NEIL2: variants seen among roughly 807,000 people sequenced by gnomAD.
NEIL2 encodes the protein endonuclease 8-like 2.
In NEIL2, 23 loss-of-function variants were observed where a neutral mutation model predicts 22.2. That is an observed-to-expected ratio of 1.04 (90% CI 0.75 to 1.47). NEIL2 has a LOEUF of 1.47. Among genes scored for constraint, NEIL2 ranks in the 40% most tolerant of loss-of-function variants. NEIL2 has a pLI of 0.00. For synonymous variants in NEIL2, 229 were observed against 164.8 expected, an observed-to-expected ratio of 1.39 and a Z score of -2.99; for missense variants, 583 against 404.7, an observed-to-expected ratio of 1.44 and a Z score of -3.78.
intron 2 of NEIL2, among the ~76,000 whole-genome samples, chr8:11,778,767 C>T (rs939367315): frequency 6.6e-6 from 1 of 151,918 alleles, no homozygotes; most frequent in Non-Finnish European, 1.5e-5. Context: ...GCCTTGCTAA[C>T]GTGGTGAGAC....
intron 4 of NEIL2, among the ~76,000 whole-genome samples, chr8:11,785,058 A>G (rs551874542): frequency 6.6e-6 from 1 of 152,276 alleles, no homozygotes; most frequent in Admixed American, 6.5e-5. Flanking sequence ...TTGTAGAGAC[A>G]AGAAGCTCTC....
chr8:11,783,767 C>T (rs1330502363), intron 4 of NEIL2, among the ~76,000 whole-genome samples: 1 of 152,220 alleles, frequency 6.6e-6, no homozygotes, highest in Non-Finnish European at 1.5e-5. Flanking sequence ...TCTGTAGGAA[C>T]TGAAGTCGTG....
chr8:11,781,441 C>A (rs1302845837), intron 3 of NEIL2, among the ~76,000 whole-genome samples: 1 of 152,176 alleles, frequency 6.6e-6, no homozygotes, highest in African/African-American at 2.4e-5. Context: ...AGAAGAAGAG[C>A]AGATCATTTT....
chr8:11,779,170 G>A (rs1386943508), intron 2 of NEIL2, among the ~76,000 whole-genome samples: 1 of 152,050 alleles, frequency 6.6e-6, no homozygotes, highest in Admixed American at 6.6e-5. Flanking sequence ...GGTAGCGAGG[G>A]GTACCCAGTT....
Position 11,786,226 on chromosome 8 carries a change from T to A in NEIL2, c.952T>A (p.Cys318Ser). 1.9e-6 allele frequency: 3 copies of A among 1,613,120 alleles called. No individual in the cohort carries two copies. Among genetic ancestry groups the A allele is most frequent in the Non-Finnish European group, 2.5e-6 (3 of 1,179,998 alleles). ...LQRLTWWCPQCQPQLSEEPEQ... is the reference protein window; with the variant it reads ...LQRLTWWCPQSQPQLSEEPEQ... ...GAGGCTCACCTGGTGGTGCCCGCAG[T>A]GCCAGCCCCAGTTGTCAGAGGAGCC... Residue 318 changes from cysteine to serine, a missense_variant, in exon 5 of 5, where the codon TGC (cysteine) becomes AGC (serine). Transcript: ENST00000284503.
At position 11,771,681 on chromosome 8, in the gene NEIL2, G is replaced by C. The variant is rs963009591; in HGVS notation, c.138+96G>C. 4.4e-6 allele frequency: 6 copies of C among 1,354,874 alleles called. 1 individual carries two copies. Among genetic ancestry groups the C allele is most frequent in the South Asian group, 2.8e-5 (2 of 72,362 alleles). 83.9% of individuals were successfully genotyped at this position (1,354,874 alleles called of 1,614,324 possible). A position where few individuals can be genotyped will look rare whatever the true frequency, so the allele number is the denominator to read the frequency against. On this transcript the variant is annotated intron_variant, in intron 2 of 4. Coordinates refer to ENST00000284503, the MANE Select transcript of NEIL2 (RefSeq NM_145043.4). ...ATGTCTCAGGGTGTCACTTCCCTGA[G>C]TCCGGAACCACCAAGCTCGGACTCC...
Position 11,770,513 on chromosome 8 carries a change from C to T in NEIL2, c.-3+178C>T, listed in dbSNP as rs112912601. Among the ~76,000 whole-genome samples, 1,074 of 152,256 alleles carry T rather than the reference C, an allele frequency of 7.1e-3. 8 individuals carry two copies. Among genetic ancestry groups the T allele is most frequent in the Middle Eastern group, 0.02 (6 of 294 alleles). On this transcript the variant is annotated intron_variant, in intron 1 of 4. Coordinates refer to ENST00000284503, the MANE Select transcript of NEIL2 (RefSeq NM_145043.4). ...AATATGAGAATGCCGAGATTGTGAG[C>T]CGTCACCATTTCTTAGATTTTAAAA...
At chr8:11,780,461 A>G (rs1585769599) in intron 3 of NEIL2, among the ~76,000 whole-genome samples, 1 of 151,974 alleles carries the variant, frequency 6.6e-6, no homozygotes. Flanking sequence ...CCTCACTGCA[A>G]CCTCTGCCTC....
At chr8:11,783,546 T>G (rs1466162405) in intron 4 of NEIL2, 147 bp downstream of exon 4, 2 of 718,078 alleles carry the variant, frequency 2.8e-6, no homozygotes, top group Admixed American at 2.0e-5. Flanking sequence ...TTCTTTTACT[T>G]CCCTTGTTTT....
chr8:11,785,967 C>A lies in NEIL2; in HGVS notation c.693C>A (p.Asn231Lys). The A allele has an allele frequency of 1.2e-6, 2 of 1,613,954 alleles. No individual in the cohort carries two copies. The highest frequency in any genetic ancestry group is 2.2e-5 in the South Asian group (2 of 91,070). Residue 231 changes from asparagine to lysine, a missense_variant, in exon 5 of 5, where the codon AAC becomes AAA. Transcript: ENST00000284503. ...CCTTCCCCCGCTTTATTTCAGGGAA[C>A]ATCATTAAGAATGAAGCCTTGTACA... ...LDQRYFSGLG[N>K]IIKNEALYRA...
intron 3 of NEIL2, among the ~76,000 whole-genome samples, chr8:11,781,002 G>A (rs1804372002): frequency 6.6e-6 from 1 of 152,054 alleles, no homozygotes; most frequent in South Asian, 2.1e-4. Flanking sequence ...ATGTCTCTTG[G>A]CATTTGGGAT....
intron 2 of NEIL2, among the ~76,000 whole-genome samples, chr8:11,779,341 C>T (rs1431812220): frequency 6.6e-6 from 1 of 152,194 alleles, no homozygotes; most frequent in Admixed American, 6.5e-5. Flanking sequence ...TTCAGGTATT[C>T]CAGGGTGGCC....
rs944700953 is a variant in NEIL2 at position 11,770,007 on chromosome 8, C to G, written c.-331C>G. On this transcript the variant is annotated 5_prime_UTR_variant, in exon 1 of 5. Transcript: ENST00000284503. ...TGGGAAAGCAGTGGTCTTAGACCCC[C>G]CACCTCGGGCACTCGGAAGAGAACG... 2 of 152,244 alleles carry G rather than the reference C, an allele frequency of 1.3e-5. No individual in the cohort carries two copies. Among genetic ancestry groups the G allele is most frequent in the Non-Finnish European group, 2.9e-5 (2 of 68,068 alleles). 9.4% of individuals were successfully genotyped at this position (152,244 alleles called of 1,614,324 possible). A position where few individuals can be genotyped will look rare whatever the true frequency, so the allele number is the denominator to read the frequency against.
Position 11,779,822 on chromosome 8 carries a change from C to T in NEIL2, c.363C>T (p.Asp121=), listed in dbSNP as rs143923741. Residue 121 remains aspartate (D), a synonymous_variant, in exon 3 of 5, where the codon GAC becomes GAT. Transcript: ENST00000284503. ...ATGATTCTGAGTATTTGGAGAGAGA[C>T]GCCCCTGCAGGAGATGCTGGGAGGT... ...GEDDSEYLER[D]APAGDAGRWL... 4.9e-5 allele frequency: 79 copies of T among 1,614,072 alleles called. 1 individual carries two copies. The Middle Eastern group carries it at 4.9e-4, about 10-fold the overall frequency.
rs767700857 is a variant in NEIL2 at position 11,771,602 on chromosome 8, C to T, written c.138+17C>T. 24 of 1,609,612 alleles carry T rather than the reference C, an allele frequency of 1.5e-5. No homozygotes were observed. The Admixed American group carries it at 3.8e-4, about 26-fold the overall frequency. On this transcript the variant is annotated intron_variant, in intron 2 of 4. Transcript: ENST00000284503. ...GACACCCAGGTGAGGTAATACTCCT[C>T]TGAAGGGTTGGCTCTGTCGCCCATC...
intron 3 of NEIL2, among the ~76,000 whole-genome samples, 154 bp downstream of exon 3, chr8:11,780,104 A>G (rs1804281721): frequency 6.6e-6 from 1 of 151,976 alleles, no homozygotes; most frequent in Non-Finnish European, 1.5e-5. Flanking sequence ...CTCTGTATCT[A>G]CCTGTGATAG....
rs139505292 is a variant in NEIL2, at chr8:11,786,187, G to A, written c.913G>A (p.Glu305Lys). The change falls in exon 5 of 5, where the codon GAA (glutamate) becomes AAA (lysine). Residue 305 changes from glutamate to lysine, a missense_variant. Transcript: ENST00000284503. ...GGTCATGAAGGAGGCGTTTGGGCCC[G>A]AAGATGGGTTACAGAGGCTCACCTG... ...HQVMKEAFGP[E>K]DGLQRLTWWC... is the part of the protein sequence containing the mutation. 6.8e-4 allele frequency: 1,096 copies of A among 1,613,780 alleles called. 9 individuals carry two copies. The highest frequency in any genetic ancestry group is 3.4e-3 in the South Asian group (312 of 91,058).
rs776751149 is a variant in NEIL2 at position 11,779,728 on chromosome 8, G to A, written c.269G>A (p.Gly90Glu). 3.7e-6 allele frequency: 6 copies of A among 1,614,180 alleles called. No homozygotes were observed. Among genetic ancestry groups the A allele is most frequent in the Non-Finnish European group, 4.2e-6 (5 of 1,180,042 alleles). The stretch of plus-strand genomic sequence containing the variant: ...GGGGCTGCGGACCCAAAGCAGGTCG[G>A]GGAGCCCAGCGGGCAGAAGACCCTT... ...KEGAADPKQV[G>E]EPSGQKTLDG... is the part of the protein sequence containing the mutation. The change falls in exon 3 of 5, where the codon GGG (glycine) becomes GAG (glutamate). Residue 90 changes from glycine (G) to glutamate (E), a missense_variant. Physicochemically the swap from Gly to Glu is moderately conservative, Grantham distance 98. Coordinates refer to ENST00000284503, the MANE Select transcript of NEIL2 (RefSeq NM_145043.4).
chr8:11,784,385 T>C (rs1048800873), intron 4 of NEIL2, among the ~76,000 whole-genome samples: 3 of 152,252 alleles, frequency 2.0e-5, no homozygotes, highest in Non-Finnish European at 4.4e-5. Flanking sequence ...ACTGCTGTCC[T>C]GTAGGATGGT....
Sources: allele counts gnomAD v4.1 joint callset (sites outside exome capture counted in the v4.1 genomes callset), GRCh38; gene constraint gnomAD v4.1.1; transcripts MANE v1.5; gene names NCBI Gene and HGNC (gene_info 2026-07-23, HGNC 2026-07-21).